Variants in PACRG observed in about 807,000 individuals in gnomAD.
The protein encoded by PACRG is parkin coregulated.
A neutral mutation model predicts 29.7 loss-of-function variants in PACRG; 29 were observed. That is an observed-to-expected ratio of 0.98 (90% CI 0.73 to 1.33). The LOEUF (loss-of-function observed/expected upper bound fraction) is 1.33, where lower values mean the gene tolerates loss of function less well. Among genes scored for constraint, PACRG ranks in the 40% most tolerant of loss-of-function variants. PACRG has a pLI of 0.00. For synonymous variants in PACRG, 116 were observed against 118.7 expected (o/e 0.98, Z 0.15); for missense variants, 279 against 316.2 (o/e 0.88, Z 0.89).
At chr6:163,294,135 T>C (rs1309787049) in intron 4 of PACRG, among the ~76,000 whole-genome samples, 1 of 152,126 alleles carries the variant, frequency 6.6e-6, no homozygotes. Context: ...TGTGGTAAAA[T>C]AGATGAGGAA....
intron 4 of PACRG, among the ~76,000 whole-genome samples, chr6:163,171,391 T>C (rs1235505722): frequency 1.3e-5 from 2 of 152,280 alleles, no homozygotes; most frequent in East Asian, 3.9e-4. Context: ...CACTAAGCCG[T>C]TTATCTGCTT....
intron 4 of PACRG, among the ~76,000 whole-genome samples, chr6:163,211,260 AT>A (rs1781127659): frequency 6.6e-6 from 1 of 152,242 alleles, no homozygotes; most frequent in African/African-American, 2.4e-5. Flanking sequence ...TCACAGAAAC[AT>A]TTTATAATCC....
At chr6:162,902,642 T>A (rs145275019) in intron 2 of PACRG, among the ~76,000 whole-genome samples, 1 of 152,320 alleles carries the variant, frequency 6.6e-6, no homozygotes, top group East Asian at 1.9e-4. Context: ...AATACTTAAG[T>A]CAATTTTATC....
At chr6:163,285,544 T>A (rs1562359001) in intron 4 of PACRG, among the ~76,000 whole-genome samples, 1 of 152,206 alleles carries the variant, frequency 6.6e-6, no homozygotes, top group Non-Finnish European at 1.5e-5. Flanking sequence ...CTTTAATCTC[T>A]GCTTCACATC....
chr6:163,101,203 A>G, intron 4 of PACRG: 1 of 983,734 alleles, frequency 1.0e-6, no homozygotes, highest in Non-Finnish European at 1.2e-6. Context: ...ATTTCTTGAA[A>G]GTATCTTTGT....
intron 4 of PACRG, among the ~76,000 whole-genome samples, chr6:163,245,627 C>T (rs887561414): frequency 6.6e-6 from 1 of 152,120 alleles, no homozygotes; most frequent in East Asian, 1.9e-4. Flanking sequence ...TTCAGCCTCA[C>T]AGTTTTCAAC....
intron 2 of PACRG, among the ~76,000 whole-genome samples, chr6:162,845,580 T>C (rs1790299496): frequency 6.6e-6 from 1 of 152,204 alleles, no homozygotes; most frequent in Non-Finnish European, 1.5e-5. Context: ...AGCTAAACTT[T>C]GACTTTTCTT....
intron 4 of PACRG, among the ~76,000 whole-genome samples, chr6:163,113,485 G>A (rs931103141): frequency 6.6e-6 from 1 of 152,148 alleles, no homozygotes; most frequent in Non-Finnish European, 1.5e-5. Context: ...AAGCAATCTT[G>A]AAAGCAGTGA....
chr6:163,004,190 CAT>C (rs1315765486), intron 2 of PACRG, among the ~76,000 whole-genome samples: 1 of 150,546 alleles, frequency 6.6e-6, no homozygotes, highest in Non-Finnish European at 1.5e-5. Flanking sequence ...AATATTTGAA[CAT>C]ATATATTATT....
intron 2 of PACRG, among the ~76,000 whole-genome samples, chr6:162,844,569 G>A (rs188997430): frequency 1.3e-5 from 2 of 152,238 alleles, no homozygotes; most frequent in Non-Finnish European, 2.9e-5. Flanking sequence ...CGTCGCTCAC[G>A]CTGGGAGCTG....
At chr6:163,277,567 T>A (rs1784084558) in intron 4 of PACRG, among the ~76,000 whole-genome samples, 1 of 148,410 alleles carries the variant, frequency 6.7e-6, no homozygotes, top group Non-Finnish European at 1.5e-5. Context: ...ATATGTCTAT[T>A]TTGTCTATAT....
At chr6:162,808,190 C>T (rs769931152) in intron 1 of PACRG, among the ~76,000 whole-genome samples, 5 of 152,198 alleles carry the variant, frequency 3.3e-5, no homozygotes, top group Non-Finnish European at 7.3e-5. Flanking sequence ...GGAGCCTACG[C>T]TGAAGGTAAC....
chr6:162,806,113 CTTTT>C (rs553734264), intron 1 of PACRG, among the ~76,000 whole-genome samples: 1 of 143,962 alleles, frequency 6.9e-6, no homozygotes, highest in African/African-American at 2.5e-5. Context: ...TCTTTCTTTC[CTTTT>C]TTTTTTTTTA....
At chr6:162,960,500 A>G (rs1800519347) in intron 2 of PACRG, among the ~76,000 whole-genome samples, 1 of 152,256 alleles carries the variant, frequency 6.6e-6, no homozygotes, top group Admixed American at 6.5e-5. Context: ...AAATTAACGC[A>G]GGAACAGAAA....
Position 162,754,844 on chromosome 6 carries a change from T to C in PACRG, c.156+26453T>C, listed in dbSNP as rs530104223. Among the ~76,000 whole-genome samples the C allele has an allele frequency of 4.0e-5, 6 of 151,452 alleles. No homozygotes were observed. In the East Asian group the frequency reaches 1.2e-3, roughly 29 times the overall value. On this transcript the variant is annotated intron_variant, in intron 1 of 4. Coordinates refer to ENST00000366888, the MANE Select transcript of PACRG (RefSeq NM_001080379.2). ...TCATTACGTCAATTTTTTGGAAGAG[T>C]TGGAGAAGTATTGGTGTTAGTTCTT... is the stretch of plus-strand genomic sequence containing the variant.
At chr6:162,784,653 A>G (rs547772003) in intron 1 of PACRG, among the ~76,000 whole-genome samples, 30 of 152,320 alleles carry the variant, frequency 2.0e-4, no homozygotes, top group African/African-American at 6.3e-4. Flanking sequence ...CAGTAGGGCT[A>G]TGAGAAAACA....
intron 4 of PACRG, among the ~76,000 whole-genome samples, chr6:163,288,860 A>G (rs1784485407): frequency 6.6e-6 from 1 of 152,206 alleles, no homozygotes; most frequent in Non-Finnish European, 1.5e-5. Flanking sequence ...AATGCACTCT[A>G]AAGAGAAATA....
At chr6:162,808,104 T>G (rs1393581479) in intron 1 of PACRG, among the ~76,000 whole-genome samples, 3 of 152,204 alleles carry the variant, frequency 2.0e-5, no homozygotes, top group African/African-American at 4.8e-5. Flanking sequence ...CCTTGAGTAT[T>G]GTAAAATTTC....
intron 2 of PACRG, among the ~76,000 whole-genome samples, chr6:162,852,372 G>C (rs1790992854): frequency 1.3e-5 from 2 of 152,100 alleles, no homozygotes; most frequent in South Asian, 4.1e-4. Context: ...TGACCCCCGG[G>C]GGCCAGGGTG....
Sources: gnomAD v4.1 joint callset for allele counts (sites outside exome capture counted in the v4.1 genomes callset) on GRCh38, gnomAD v4.1.1 for gene constraint, MANE v1.5 for transcripts, NCBI Gene and HGNC (gene_info 2026-07-23, HGNC 2026-07-21) for gene names.